ARHGAP28: variants seen among roughly 807,000 people sequenced by gnomAD.
ARHGAP28 encodes rho GTPase-activating protein 28.
ARHGAP28 carries 56 observed loss-of-function variants against 90.7 expected under a neutral mutation model. The observed-to-expected ratio is 0.62, with a 90% CI of 0.50 to 0.77. The LOEUF is 0.77. ARHGAP28 is among the 30% of genes least tolerant of loss of function. The pLI is 0.00. For missense variants in ARHGAP28, 869 were observed against 900.9 expected, an observed-to-expected ratio of 0.96 and a Z score of 0.45; for synonymous variants, 308 against 323.3, an observed-to-expected ratio of 0.95 and a Z score of 0.51.
chr18:6,731,098 GA>G (rs1322490329), intron 1 of ARHGAP28, among the ~76,000 whole-genome samples: 1 of 151,970 alleles, frequency 6.6e-6, no homozygotes, highest in African/African-American at 2.4e-5. Flanking sequence ...CAGGTTGAGT[GA>G]AATCTCATTT....
At chr18:6,767,734 G>A (rs144054412) in intron 1 of ARHGAP28, among the ~76,000 whole-genome samples, 70 of 152,182 alleles carry the variant, frequency 4.6e-4, no homozygotes, top group African/African-American at 1.6e-3. Context: ...CTACTCTGCT[G>A]CTGTCAATAT....
At chr18:6,823,165 C>A (rs989712763) in intron 1 of ARHGAP28, among the ~76,000 whole-genome samples, 1 of 152,136 alleles carries the variant, frequency 6.6e-6, no homozygotes, top group African/African-American at 2.4e-5. Flanking sequence ...GGAGAAGATT[C>A]TTTGAAAGGA....
At chr18:6,808,895 A>G (rs937306204) in intron 1 of ARHGAP28, among the ~76,000 whole-genome samples, 1 of 152,238 alleles carries the variant, frequency 6.6e-6, no homozygotes, top group African/African-American at 2.4e-5. Flanking sequence ...GGTTCAACTC[A>G]TGCAGCCCTG....
intron 15 of ARHGAP28, among the ~76,000 whole-genome samples, chr18:6,895,972 G>A (rs530299889): frequency 3.9e-5 from 6 of 152,248 alleles, no homozygotes; most frequent in Admixed American, 6.5e-5. Flanking sequence ...CTTTCCCACA[G>A]CCACCTACAC....
At chr18:6,867,407 A>G (rs548540887) in intron 5 of ARHGAP28, among the ~76,000 whole-genome samples, 1 of 152,322 alleles carries the variant, frequency 6.6e-6, no homozygotes, top group African/African-American at 2.4e-5. Context: ...ACATATTCAC[A>G]GAGAACTCCC....
chr18:6,743,097 C>T (rs1246917279), intron 1 of ARHGAP28, among the ~76,000 whole-genome samples: 1 of 151,952 alleles, frequency 6.6e-6, no homozygotes, highest in African/African-American at 2.4e-5. Context: ...CTTCTAAAAG[C>T]TTAGCTAGTG....
In ARHGAP28 at chr18:6,912,229, CTG is replaced by C. The variant is rs1423122961; in HGVS notation, c.*79_*80del. 1 of 818,094 alleles carries C rather than the reference CTG, an allele frequency of 1.2e-6. No homozygotes were observed. Among genetic ancestry groups the C allele is most frequent in the African/African-American group, 1.7e-5 (1 of 58,268 alleles). 50.7% of individuals were successfully genotyped at this position (818,094 alleles called of 1,614,324 possible). On this transcript the variant is annotated 3_prime_UTR_variant, in exon 18 of 18. Transcript: ENST00000383472. ...ACATTTTGGTAGGGAAAAAACAACA[CTG>C]TGTTTGACGTATTTGTTCCTACAGC...
chr18:6,830,500 G>A (rs565669234), intron 2 of ARHGAP28, among the ~76,000 whole-genome samples: 98 of 152,118 alleles, frequency 6.4e-4, no homozygotes, highest in African/African-American at 2.3e-3. Flanking sequence ...GCCCTGGTGT[G>A]TGATGTTCCC....
intron 3 of ARHGAP28, among the ~76,000 whole-genome samples, chr18:6,838,538 G>C (rs542885526): frequency 9.2e-5 from 14 of 152,306 alleles, no homozygotes; most frequent in African/African-American, 3.4e-4. Flanking sequence ...TTTCTATAGT[G>C]ATGGAAATAG....
chr18:6,733,880 T>C (rs1402959734), intron 1 of ARHGAP28, among the ~76,000 whole-genome samples: 1 of 152,114 alleles, frequency 6.6e-6, no homozygotes. Flanking sequence ...TTTAGACTTA[T>C]TCCTAATGAG....
chr18:6,901,470 G>A (rs1433721057), intron 16 of ARHGAP28, among the ~76,000 whole-genome samples: 1 of 151,096 alleles, frequency 6.6e-6, no homozygotes, highest in Admixed American at 6.6e-5. Context: ...TTAGGTGATC[G>A]GGTTAATATT....
At chr18:6,757,904 A>C (rs1359381791) in intron 1 of ARHGAP28, among the ~76,000 whole-genome samples, 1 of 152,164 alleles carries the variant, frequency 6.6e-6, no homozygotes, top group East Asian at 1.9e-4. Flanking sequence ...CCCAGAAGAT[A>C]AATGAGCTCT....
rs774858723 is a variant in ARHGAP28, at chr18:6,889,945, CTG to C, written c.1597_1598del (p.Trp533GlufsTer14). ...CAATGAATCAAAAAACCGAATGAGT[CTG>C]TGGAACATTTCTACAGTGATGGCAC... ...IANESKNRMS[L>X]WNISTVMAPN... On this transcript the variant is annotated frameshift_variant, in exon 13 of 18. Coordinates refer to ENST00000383472, the MANE Select transcript of ARHGAP28 (RefSeq NM_001366230.1). LOFTEE classifies it high-confidence loss of function. 6.2e-7 allele frequency: 1 copy of C among 1,614,206 alleles called. No homozygotes were observed. The highest frequency in any genetic ancestry group is 1.7e-5 in the Admixed American group (1 of 60,024).
intron 1 of ARHGAP28, among the ~76,000 whole-genome samples, chr18:6,804,828 A>G (rs1448955179): frequency 6.6e-6 from 1 of 152,240 alleles, no homozygotes; most frequent in Non-Finnish European, 1.5e-5. Context: ...ACTAAATAGT[A>G]TCTATATTGG....
At position 6,846,727 on chromosome 18, in the gene ARHGAP28, G is replaced by A. The variant is rs969661513; in HGVS notation, c.544-4307G>A. 5.3e-5 allele frequency among the ~76,000 whole-genome samples: 8 copies of A among 152,230 alleles called. 1 individual carries two copies. The highest frequency in any genetic ancestry group is 2.0e-4 in the Admixed American group (3 of 15,298). ...AAGAGGGCAAGTCAGAGCAGACACTGAAGCCTTTCCAAAAAATGGGTTTCT... is the reference window on the plus strand; with the variant it reads ...AAGAGGGCAAGTCAGAGCAGACACTAAAGCCTTTCCAAAAAATGGGTTTCT... On this transcript the variant is annotated intron_variant, in intron 3 of 17. Coordinates refer to ENST00000383472, the MANE Select transcript of ARHGAP28 (RefSeq NM_001366230.1).
intron 1 of ARHGAP28, among the ~76,000 whole-genome samples, chr18:6,810,975 ATCT>A (rs1219720411): frequency 2.0e-5 from 3 of 152,126 alleles, no homozygotes; most frequent in East Asian, 1.9e-4. Flanking sequence ...CTCTCCCCAA[ATCT>A]TCTGAATTGA....
Position 6,854,831 on chromosome 18 carries a change from T to C in ARHGAP28, c.636+3705T>C, listed in dbSNP as rs1196393066. On this transcript the variant is annotated intron_variant, in intron 4 of 17. Coordinates refer to ENST00000383472, the MANE Select transcript of ARHGAP28 (RefSeq NM_001366230.1). The stretch of plus-strand genomic sequence containing the variant: ...GTGGCCTGGGAAACCCCTCCTCCCA[T>C]AGGCTTGGAAGTGCCTGCTCATGCT... 3.9e-5 allele frequency among the ~76,000 whole-genome samples: 6 copies of C among 152,116 alleles called. No homozygotes were observed. The South Asian group carries it at 1.0e-3, about 26-fold the overall frequency.
At chr18:6,820,318 G>C (rs1203933503) in intron 1 of ARHGAP28, among the ~76,000 whole-genome samples, 2 of 152,182 alleles carry the variant, frequency 1.3e-5, no homozygotes, top group Non-Finnish European at 2.9e-5. Context: ...ACTGAACACA[G>C]TAGAAGTGAG....
At chr18:6,776,741 A>G (rs146346587) in intron 1 of ARHGAP28, among the ~76,000 whole-genome samples, 2 of 152,180 alleles carry the variant, frequency 1.3e-5, no homozygotes, top group Non-Finnish European at 2.9e-5. Flanking sequence ...AGAGTGGTAC[A>G]TAGGTTATTC....
Sources: allele counts gnomAD v4.1 joint callset (sites outside exome capture counted in the v4.1 genomes callset), GRCh38; gene constraint gnomAD v4.1.1; transcripts MANE v1.5; gene names NCBI Gene and HGNC (gene_info 2026-07-23, HGNC 2026-07-21).